Variants in NUP210L observed in about 807,000 individuals in gnomAD.
The protein encoded by NUP210L is nucleoporin 210 like.
In NUP210L, 74 loss-of-function variants were observed where a neutral mutation model predicts 208.5. The observed-to-expected ratio is 0.35, with a 90% confidence interval of 0.29 to 0.43. The LOEUF (loss-of-function observed/expected upper bound fraction) is 0.43. Among genes scored for constraint, NUP210L ranks in the 20% least tolerant of loss-of-function variants. The probability of loss-of-function intolerance (pLI) is 1.00; values close to 1 mark genes in which losing one functional copy is unlikely to be tolerated. For missense variants in NUP210L, 1,843 were observed against 2,289.4 expected (o/e 0.81, Z 3.98); for synonymous variants, 780 against 816.9 (o/e 0.95, Z 0.77).
At chr1:154,114,587 T>A (rs1277489752) in intron 12 of NUP210L, among the ~76,000 whole-genome samples, 1 of 152,130 alleles carries the variant, frequency 6.6e-6, no homozygotes. Flanking sequence ...AAATTCATCA[T>A]CTTTTCCATT....
At chr1:154,122,395 G>A (rs1034765818) in intron 10 of NUP210L, among the ~76,000 whole-genome samples, 3 of 152,082 alleles carry the variant, frequency 2.0e-5, no homozygotes, top group African/African-American at 2.4e-5. Flanking sequence ...GGTGGCTCAC[G>A]CCTGTAATCC....
At chr1:153,995,821 C>G in intron 37 of NUP210L, 1 of 627,400 alleles carries the variant, frequency 1.6e-6, no homozygotes, top group South Asian at 1.4e-5. Flanking sequence ...ACCTGAAGTT[C>G]TTACGAGATT....
chr1:154,131,700 A>G (rs1262537438), intron 7 of NUP210L, among the ~76,000 whole-genome samples: 1 of 152,200 alleles, frequency 6.6e-6, no homozygotes, highest in Admixed American at 6.5e-5. Context: ...TTATCTTGAC[A>G]TCACTACCAG....
At chr1:154,065,140 T>C (rs1654338848) in intron 17 of NUP210L, among the ~76,000 whole-genome samples, 1 of 143,942 alleles carries the variant, frequency 6.9e-6, no homozygotes, top group Non-Finnish European at 1.5e-5. Flanking sequence ...TAAAATAAAA[T>C]CAGGTACAAT....
chr1:154,080,975 GAA>G (rs573448663), intron 16 of NUP210L, among the ~76,000 whole-genome samples: 1 of 81,746 alleles, frequency 1.2e-5, no homozygotes, highest in African/African-American at 4.7e-5. Context: ...CTGTGCTTCC[GAA>G]AAAAAAAAAA....
chr1:154,041,020 C>T (rs1280773126), intron 27 of NUP210L, among the ~76,000 whole-genome samples: 5 of 151,910 alleles, frequency 3.3e-5, no homozygotes, highest in Non-Finnish European at 7.4e-5. Flanking sequence ...GCTGGAGTGC[C>T]GTGGTGCAAA....
At chr1:154,151,752 C>A (rs778473727) in intron 2 of NUP210L, among the ~76,000 whole-genome samples, 2 of 151,966 alleles carry the variant, frequency 1.3e-5, no homozygotes, top group Non-Finnish European at 1.5e-5. Flanking sequence ...CGTGCCATTG[C>A]ACTACAACCT....
intron 12 of NUP210L, among the ~76,000 whole-genome samples, chr1:154,115,274 G>C (rs1006129231): frequency 6.6e-6 from 1 of 152,182 alleles, no homozygotes; most frequent in African/African-American, 2.4e-5. Flanking sequence ...TCTACAGCAA[G>C]GATTGGCAAA....
At chr1:154,029,866 C>A (rs771819838) in intron 28 of NUP210L, 30 bp downstream of exon 28, 2 of 1,569,462 alleles carry the variant, frequency 1.3e-6, no homozygotes, top group Non-Finnish European at 1.7e-6. Context: ...CCTTAATATA[C>A]GAAAATAAGA....
exon 22 of NUP210L, chr1:154,058,157 T>C: frequency 2.5e-6 from 4 of 1,614,160 alleles, no homozygotes; most frequent in Non-Finnish European, 3.4e-6. Context: ...TATTTTGGAA[T>C]GGGCGTTTGG....
Position 154,132,038 on chromosome 1 carries a change from G to C in NUP210L, c.1010-2693C>G, listed in dbSNP as rs899132787. Reference sequence around the variant, plus strand: ...TTGACCAGGCTGGTCTCAAACTCCTGACCAGTGATCCACCTGCCTCAGCCT... The same window carrying C: ...TTGACCAGGCTGGTCTCAAACTCCTCACCAGTGATCCACCTGCCTCAGCCT... On this transcript the variant is annotated intron_variant, in intron 7 of 39. Transcript: ENST00000368559. 4.6e-5 allele frequency among the ~76,000 whole-genome samples: 7 copies of C among 152,120 alleles called. No homozygotes were observed. In the South Asian group the frequency reaches 1.2e-3, roughly 27 times the overall value.
At chr1:154,092,896 T>C (rs938326758) in intron 15 of NUP210L, among the ~76,000 whole-genome samples, 1 of 152,034 alleles carries the variant, frequency 6.6e-6, no homozygotes, top group Admixed American at 6.6e-5. Context: ...AGCTAATTTT[T>C]TCTTTTTTAG....
At chr1:154,096,098 C>A (rs1423957437) in intron 14 of NUP210L, among the ~76,000 whole-genome samples, 1 of 152,142 alleles carries the variant, frequency 6.6e-6, no homozygotes, top group African/African-American at 2.4e-5. Context: ...ATTCCCGAGG[C>A]CCCACCCCTT....
intron 16 of NUP210L, among the ~76,000 whole-genome samples, chr1:154,074,216 T>A (rs1480396000): frequency 2.6e-5 from 4 of 152,148 alleles, no homozygotes; most frequent in Non-Finnish European, 4.4e-5. Context: ...GACTATCCCA[T>A]TTCCCAACAG....
intron 1 of NUP210L, among the ~76,000 whole-genome samples, chr1:154,154,621 G>A (rs1410830366): frequency 6.6e-6 from 1 of 152,114 alleles, no homozygotes; most frequent in African/African-American, 2.4e-5. Flanking sequence ...ACGTCTGGAA[G>A]ATTGTCACAC....
chr1:154,138,673 G>A (rs756778585), intron 5 of NUP210L, among the ~76,000 whole-genome samples: 24 of 152,140 alleles, frequency 1.6e-4, no homozygotes, highest in Non-Finnish European at 2.9e-4. Context: ...TTCTCTCTAG[G>A]AGGTCCACAC....
chr1:154,022,475 G>T, intron 31 of NUP210L, 132 bp from the exon 32 acceptor site: 1 of 702,244 alleles, frequency 1.4e-6, no homozygotes, highest in Non-Finnish European at 2.4e-6. Flanking sequence ...TAAAGAGTAA[G>T]TAAGTATGGG....
At chr1:154,021,730 C>T (rs1351687793) in intron 32 of NUP210L, among the ~76,000 whole-genome samples, 1 of 152,126 alleles carries the variant, frequency 6.6e-6, no homozygotes, top group Non-Finnish European at 1.5e-5. Flanking sequence ...CAGTACCCTG[C>T]ACTATCTACA....
intron 27 of NUP210L, among the ~76,000 whole-genome samples, chr1:154,031,310 G>A (rs1652203454): frequency 6.6e-6 from 1 of 151,940 alleles, no homozygotes; most frequent in Non-Finnish European, 1.5e-5. Context: ...GGCTGGTCTC[G>A]AACTCCTGAC....
Sources: allele counts gnomAD v4.1 joint callset (sites outside exome capture counted in the v4.1 genomes callset), GRCh38; gene constraint gnomAD v4.1.1; transcripts MANE v1.5; gene names NCBI Gene and HGNC (gene_info 2026-07-23, HGNC 2026-07-21).